FGF14: variants seen among roughly 807,000 people sequenced by gnomAD.
The protein encoded by FGF14 is fibroblast growth factor homologous factor 4.
Under a neutral mutation model 25.5 loss-of-function variants are expected in FGF14, and 5 were observed. The ratio of observed to expected loss-of-function variants is 0.20; its 90% confidence interval spans 0.10 to 0.41. The LOEUF (loss-of-function observed/expected upper bound fraction) is 0.41, where lower values mean the gene tolerates loss of function less well. Among genes scored for constraint, FGF14 ranks in the 10% least tolerant of loss-of-function variants. The pLI is 1.00. For missense variants in FGF14, 222 were observed against 320.1 expected (o/e 0.69, Z 2.34); for synonymous variants, 138 against 118.3 (o/e 1.17, Z -1.08).
At chr13:101,776,778 A>G (rs1410148567) in intron 3 of FGF14, among the ~76,000 whole-genome samples, 4 of 152,232 alleles carry the variant, frequency 2.6e-5, no homozygotes, top group African/African-American at 9.6e-5. Context: ...TCAAAATACC[A>G]TGAACTGGGT....
chr13:101,959,789 G>A (rs549000894), intron 1 of FGF14, among the ~76,000 whole-genome samples: 16 of 151,986 alleles, frequency 1.1e-4, no homozygotes, highest in African/African-American at 2.7e-4. Context: ...TTCTTCACTC[G>A]CTATAGAAGC....
chr13:102,190,926 T>C (rs1402822122), intron 1 of FGF14, among the ~76,000 whole-genome samples: 1 of 152,062 alleles, frequency 6.6e-6, no homozygotes, highest in Non-Finnish European at 1.5e-5. Context: ...AGCTCCACAA[T>C]AGCTTTGAAA....
chr13:102,252,055 G>A (rs1047116391), intron 1 of FGF14, among the ~76,000 whole-genome samples: 5 of 152,128 alleles, frequency 3.3e-5, no homozygotes, highest in African/African-American at 1.2e-4. Flanking sequence ...CCTGTATATC[G>A]ATGCGGCTAA....
At chr13:101,753,259 A>T (rs551562458) in intron 3 of FGF14, among the ~76,000 whole-genome samples, 2 of 150,000 alleles carry the variant, frequency 1.3e-5, no homozygotes, top group East Asian at 4.0e-4. Flanking sequence ...CATATATTAT[A>T]TATGATCAAA....
intron 1 of FGF14, among the ~76,000 whole-genome samples, chr13:101,881,894 C>T (rs578148288): frequency 6.9e-4 from 105 of 152,214 alleles, no homozygotes; most frequent in African/African-American, 2.5e-3. Context: ...CTTTCAGGAA[C>T]TTTTATGTAT....
chr13:102,290,880 C>G (rs772965434), intron 1 of FGF14, among the ~76,000 whole-genome samples: 1 of 152,146 alleles, frequency 6.6e-6, no homozygotes, highest in Non-Finnish European at 1.5e-5. Context: ...AAATGACATA[C>G]CAGCAGCAAA....
intron 3 of FGF14, among the ~76,000 whole-genome samples, chr13:101,864,832 A>G (rs1337335073): frequency 1.3e-5 from 2 of 152,120 alleles, no homozygotes; most frequent in Non-Finnish European, 2.9e-5. Context: ...TAAAATACCA[A>G]TAAGGAATCT....
chr13:102,382,214 A>G (rs2058199429), intron 1 of FGF14, among the ~76,000 whole-genome samples: 1 of 152,146 alleles, frequency 6.6e-6, no homozygotes, highest in Admixed American at 6.6e-5. Flanking sequence ...AGAATGGGAT[A>G]AAATACTTCT....
At chr13:102,139,451 T>C (rs949038361) in intron 1 of FGF14, among the ~76,000 whole-genome samples, 20 of 151,824 alleles carry the variant, frequency 1.3e-4, no homozygotes, top group African/African-American at 4.8e-4. Flanking sequence ...TCTTGCAGGA[T>C]TAGTATAATG....
intron 1 of FGF14, among the ~76,000 whole-genome samples, chr13:102,257,249 T>C (rs2052485533): frequency 6.6e-6 from 1 of 152,036 alleles, no homozygotes; most frequent in African/African-American, 2.4e-5. Flanking sequence ...ATAGGGACAT[T>C]TTCTGGAAGT....
At chr13:101,760,023 C>T (rs4270023) in intron 3 of FGF14, among the ~76,000 whole-genome samples, 5 of 152,116 alleles carry the variant, frequency 3.3e-5, no homozygotes, top group African/African-American at 4.8e-5. Context: ...ATACCAACCC[C>T]TGAGCCTGCA....
intron 3 of FGF14, among the ~76,000 whole-genome samples, chr13:101,733,950 T>C (rs1282074280): frequency 6.6e-6 from 1 of 151,760 alleles, no homozygotes; most frequent in African/African-American, 2.4e-5. Context: ...TCAATATAAA[T>C]ATGTATTATA....
chr13:101,811,998 G>T (rs2041536226), intron 3 of FGF14, among the ~76,000 whole-genome samples: 1 of 152,140 alleles, frequency 6.6e-6, no homozygotes, highest in Non-Finnish European at 1.5e-5. Flanking sequence ...TCCCTAAATT[G>T]AAGGATGATG....
intron 1 of FGF14, among the ~76,000 whole-genome samples, chr13:101,988,271 A>T (rs1401674564): frequency 6.6e-6 from 1 of 151,918 alleles, no homozygotes; most frequent in East Asian, 2.0e-4. Flanking sequence ...TTGGCCAAGA[A>T]GCCAACAAGC....
At chr13:102,108,815 C>T (rs1378007781) in intron 1 of FGF14, among the ~76,000 whole-genome samples, 3 of 152,164 alleles carry the variant, frequency 2.0e-5, no homozygotes, top group Non-Finnish European at 4.4e-5. Context: ...AAAAGCCCCT[C>T]GTTGGCTTTA....
chr13:101,840,613 T>TGAAGTCAAA (rs1330661596), intron 3 of FGF14, among the ~76,000 whole-genome samples: 24 of 151,968 alleles, frequency 1.6e-4, no homozygotes, highest in Non-Finnish European at 1.9e-4. Context: ...AATCATGGAT[T>TGAAGTCAAA]GAAGTCAAAG....
At chr13:102,353,767 C>T (rs187584592) in intron 1 of FGF14, among the ~76,000 whole-genome samples, 64 of 152,310 alleles carry the variant, frequency 4.2e-4, no homozygotes, top group African/African-American at 1.5e-3. Context: ...AATCTATTCT[C>T]CACCCTGCAG....
intron 3 of FGF14, among the ~76,000 whole-genome samples, chr13:101,865,557 C>G (rs976037512): frequency 2.0e-5 from 3 of 151,972 alleles, no homozygotes; most frequent in African/African-American, 7.2e-5. Context: ...GAAAAGATCC[C>G]CCAGAGAACA....
chr13:101,937,408 G>A (rs528569676), intron 1 of FGF14, among the ~76,000 whole-genome samples: 95 of 152,234 alleles, frequency 6.2e-4, no homozygotes, highest in African/African-American at 2.2e-3. Flanking sequence ...TCACATTAAA[G>A]GAAATCTGGA....
Sources: allele counts gnomAD v4.1 joint callset (sites outside exome capture counted in the v4.1 genomes callset), GRCh38; gene constraint gnomAD v4.1.1; transcripts MANE v1.5; gene names NCBI Gene and HGNC (gene_info 2026-07-23, HGNC 2026-07-21).